Variants in EPB41L1 observed in about 807,000 individuals in gnomAD.
EPB41L1 encodes the protein band 4.1-like protein 1.
In EPB41L1, 29 loss-of-function variants were observed where a neutral mutation model predicts 97.8. The observed-to-expected ratio is 0.30, with a 90% CI of 0.22 to 0.40. EPB41L1 has a LOEUF of 0.40. EPB41L1 is among the 10% of genes least tolerant of loss of function. The pLI is 1.00. For missense variants in EPB41L1, 812 were observed against 1,162.3 expected (o/e 0.70, Z 4.38); for synonymous variants, 383 against 459.2 (o/e 0.83, Z 2.12).
chr20:36,105,351 C>A (rs2058155867), intron 1 of EPB41L1, among the ~76,000 whole-genome samples: 1 of 152,032 alleles, frequency 6.6e-6, no homozygotes, highest in Non-Finnish European at 1.5e-5. Flanking sequence ...TCTGGCATGC[C>A]CTGGGTGGCA....
intron 5 of EPB41L1, among the ~76,000 whole-genome samples, chr20:36,179,061 C>G (rs2061369611): frequency 7.3e-6 from 1 of 136,074 alleles, no homozygotes; most frequent in Admixed American, 7.7e-5. Context: ...GGCAACAGAG[C>G]AAAATTTCAT....
Position 36,190,235 on chromosome 20 carries a change from G to A in EPB41L1, c.1027-42G>A. 6.7e-7 allele frequency: 1 copy of A among 1,497,268 alleles called. No homozygotes were observed. Among genetic ancestry groups the A allele is most frequent in the Non-Finnish European group, 9.3e-7 (1 of 1,074,438 alleles). The allele number at this position is 1,497,268 out of a possible 1,614,324, so 92.7% of individuals were successfully genotyped here. On this transcript the variant is annotated intron_variant, in intron 9 of 21. Coordinates refer to ENST00000338074, the MANE Select transcript of EPB41L1 (RefSeq NM_012156.2). The surrounding 1 kb of genome is among the most constrained non-coding windows in gnomAD (Gnocchi z 5.8). ...CAAAGAATGGGCTAGTGGCGAGAGTGAGCTCAGGCCCTGCCTCTAACCTGC... is the reference window on the plus strand; with the variant it reads ...CAAAGAATGGGCTAGTGGCGAGAGTAAGCTCAGGCCCTGCCTCTAACCTGC...
intron 1 of EPB41L1, among the ~76,000 whole-genome samples, chr20:36,097,837 T>C (rs953931397): frequency 1.3e-5 from 2 of 152,160 alleles, no homozygotes; most frequent in African/African-American, 4.8e-5. Flanking sequence ...AGTGAATGAC[T>C]GGAGATAAAG....
chr20:36,152,304 T>C (rs6060826), upstream of EPB41L1: 7,290 of 152,344 alleles, frequency 0.048, 192 homozygotes, highest in Middle Eastern at 0.075. Flanking sequence ...GCCCTTTGGG[T>C]ATAAATGCAG....
Position 36,185,277 on chromosome 20 carries a change from G to A in EPB41L1, c.727G>A (p.Ala243Thr), listed in dbSNP as rs199985301. The A allele has an allele frequency of 1.2e-5, 20 of 1,613,652 alleles. 1 individual carries two copies. The highest frequency in any genetic ancestry group is 6.7e-5 in the East Asian group (3 of 44,890). The change falls in exon 7 of 22, where the codon GCC becomes ACC. Residue 243 changes from alanine to threonine, a missense_variant. This residue lies in a region of EPB41L1 where 230 missense variants were observed against 445.2 expected (regional missense o/e 0.52). Coordinates refer to ENST00000338074, the MANE Select transcript of EPB41L1 (RefSeq NM_012156.2). ...CAACTATGTCAGCGAGCTCCGCTTC[G>A]CCCCTAACCAGACCCGGGAGCTGGA... Reference protein sequence around the residue: ...VGNYVSELRFAPNQTRELEER... With the variant: ...VGNYVSELRFTPNQTRELEER...
chr20:36,124,107 T>C (rs139185803), intron 2 of EPB41L1, among the ~76,000 whole-genome samples: 1,524 of 151,832 alleles, frequency 0.01, 36 homozygotes, highest in African/African-American at 0.035. Flanking sequence ...AAAAAGAAAT[T>C]AGCCGGGTGT....
At position 36,230,756 on chromosome 20, in the gene EPB41L1, TTCTC is replaced by T. The variant is rs901121458; in HGVS notation, c.*1422_*1425del. ...ACGGGGCTTGCCTTGGTTTTCAGTC[TTCTC>T]TCTCTTTCTCTCTTTTTTTTTTTTT... On this transcript the variant is annotated 3_prime_UTR_variant, in exon 22 of 22. Coordinates refer to ENST00000338074, the MANE Select transcript of EPB41L1 (RefSeq NM_012156.2). 1.3e-5 allele frequency: 2 copies of T among 151,690 alleles called. No homozygotes were observed. The highest frequency in any genetic ancestry group is 4.9e-5 in the African/African-American group (2 of 41,066). 9.4% of individuals were successfully genotyped at this position (151,690 alleles called of 1,614,324 possible).
chr20:36,205,112 TGTG>T (rs1256074294), intron 14 of EPB41L1, among the ~76,000 whole-genome samples: 8 of 152,186 alleles, frequency 5.3e-5, no homozygotes, highest in African/African-American at 1.7e-4. Context: ...TTTAAGCCAT[TGTG>T]GTGCCTGGCA....
intron 9 of EPB41L1, among the ~76,000 whole-genome samples, chr20:36,189,140 A>G (rs932584666): frequency 3.3e-5 from 5 of 152,128 alleles, no homozygotes; most frequent in African/African-American, 1.2e-4. Flanking sequence ...CCTGTAGAAT[A>G]AACATGAACC....
At position 36,218,791 on chromosome 20, in the gene EPB41L1, T is replaced by G. The variant is rs1460765308; in HGVS notation, c.2269-85T>G. ...TTATTTCTACTCAACCTTGTGGTCG[T>G]GATAGCTACATGGCCACATGCTCCG... On this transcript the variant is annotated intron_variant, in intron 17 of 21. Transcript: ENST00000338074. 71 of 1,233,554 alleles carry G rather than the reference T, an allele frequency of 5.8e-5. 1 individual carries two copies. The highest frequency in any genetic ancestry group is 4.9e-5 in the Non-Finnish European group (41 of 843,838). The allele number at this position is 1,233,554 out of a possible 1,614,324, so 76.4% of individuals were successfully genotyped here. A position where few individuals can be genotyped will look rare whatever the true frequency, so the allele number is the denominator to read the frequency against.
intron 1 of EPB41L1, among the ~76,000 whole-genome samples, chr20:36,166,529 G>A (rs1016664356): frequency 6.6e-6 from 1 of 152,156 alleles, no homozygotes; most frequent in Non-Finnish European, 1.5e-5. Context: ...TTTGGAAGGA[G>A]GGATAAAAAG....
At position 36,175,655 on chromosome 20, in the gene EPB41L1, C is replaced by T; in HGVS notation, c.282C>T (p.Tyr94=). 1.9e-6 allele frequency: 3 copies of T among 1,614,164 alleles called. No individual in the cohort carries two copies. The highest frequency in any genetic ancestry group is 2.5e-6 in the Non-Finnish European group (3 of 1,180,034). ...QKSPQKIAKK[Y]KSAICRVTLL... ...CGCCCCAGAAGATTGCCAAGAAATACAAGAGTGCCATCTGCCGGGTCACTC... is the reference window on the plus strand; with the variant it reads ...CGCCCCAGAAGATTGCCAAGAAATATAAGAGTGCCATCTGCCGGGTCACTC... Residue 94 remains tyrosine, a synonymous_variant, in exon 3 of 22, where the codon TAC becomes TAT. Transcript: ENST00000338074.
chr20:36,209,983 C>T lies in EPB41L1; in HGVS notation c.2079+85C>T. ...GGGCCACCCGTGAGAAGACCGAGCA[C>T]CCAGCCTGCAGCCTGAAGCTCTGTC... On this transcript the variant is annotated intron_variant, in intron 15 of 21. Transcript: ENST00000338074. This position sits in a 1 kb window ranked among gnomAD's most constrained non-coding sequence, Gnocchi z 4.2. The T allele has an allele frequency of 6.6e-7, 1 of 1,510,312 alleles. No homozygotes were observed. The highest frequency in any genetic ancestry group is 9.0e-7 in the Non-Finnish European group (1 of 1,110,142). 93.6% of individuals were successfully genotyped at this position (1,510,312 alleles called of 1,614,324 possible).
intron 2 of EPB41L1, among the ~76,000 whole-genome samples, chr20:36,146,848 G>GAA (rs746670753): frequency 1.5e-5 from 2 of 133,446 alleles, no homozygotes; most frequent in African/African-American, 2.7e-5. Flanking sequence ...CTGTTGAAAA[G>GAA]AAAAAAAAAA....
At chr20:36,215,189 CA>C (rs1569350441) in intron 17 of EPB41L1, among the ~76,000 whole-genome samples, 1 of 152,002 alleles carries the variant, frequency 6.6e-6, no homozygotes, top group Non-Finnish European at 1.5e-5. Context: ...CTTCCCTCCA[CA>C]ACCTTTATAG....
chr20:36,213,635 T>C (rs1481159195), intron 16 of EPB41L1, among the ~76,000 whole-genome samples: 1 of 152,114 alleles, frequency 6.6e-6, no homozygotes, highest in Non-Finnish European at 1.5e-5. Flanking sequence ...CAGAAAAGTA[T>C]AAAGAAACTA....
rs193094981 is a variant in EPB41L1 at position 36,224,254 on chromosome 20, A to T, written c.2637+1860A>T. On this transcript the variant is annotated intron_variant, in intron 21 of 21. Coordinates refer to ENST00000338074, the MANE Select transcript of EPB41L1 (RefSeq NM_012156.2). ...GTGAAATACATGCAGGATTTTGAAA[A>T]TTTAATATAAAAAAAGTAAATAATC... Among the ~76,000 whole-genome samples the T allele has an allele frequency of 3.8e-3, 578 of 152,356 alleles. 5 individuals carry two copies. The highest frequency in any genetic ancestry group is 6.8e-3 in the Middle Eastern group (2 of 294).
intron 17 of EPB41L1, among the ~76,000 whole-genome samples, chr20:36,218,453 G>T (rs879084266): frequency 6.6e-6 from 1 of 152,180 alleles, no homozygotes; most frequent in African/African-American, 2.4e-5. Context: ...CATAGGTTCT[G>T]TGTGGGATTG....
Position 36,207,372 on chromosome 20 carries a change from G to A in EPB41L1, c.1669-2116G>A. 1 of 1,289,412 alleles carries A rather than the reference G, an allele frequency of 7.8e-7. No homozygotes were observed. Among genetic ancestry groups the A allele is most frequent in the South Asian group, 1.2e-5 (1 of 81,006 alleles). 79.9% of individuals were successfully genotyped at this position (1,289,412 alleles called of 1,614,324 possible). ...TGGGGTTTGGGTTCCCTTCAGGGAA[G>A]CGAAGGGAGATGACCTCTTTCCAGG... On this transcript the variant is annotated intron_variant, in intron 14 of 21. Coordinates refer to ENST00000338074, the MANE Select transcript of EPB41L1 (RefSeq NM_012156.2). The surrounding 1 kb of genome is among the most constrained non-coding windows in gnomAD (Gnocchi z 4.9).
Sources: allele counts gnomAD v4.1 joint callset (sites outside exome capture counted in the v4.1 genomes callset), GRCh38; gene constraint gnomAD v4.1.1; regional missense constraint gnomAD v4.1.1; non-coding constraint Gnocchi (gnomAD v3.1); transcripts MANE v1.5; gene names NCBI Gene and HGNC (gene_info 2026-07-23, HGNC 2026-07-21).